Variants in SYN2 observed in about 807,000 individuals in gnomAD.
SYN2 encodes synapsin-2.
SYN2 carries 19 observed loss-of-function variants against 50.9 expected under a neutral mutation model. That is an observed-to-expected ratio of 0.37 (90% confidence interval 0.26 to 0.55). The LOEUF is 0.55. Among genes scored for constraint, SYN2 ranks in the 20% least tolerant of loss-of-function variants. The pLI is 0.81. For synonymous variants in SYN2, 255 were observed against 224.9 expected (o/e 1.13, Z -1.20); for missense variants, 587 against 576.4 (o/e 1.02, Z -0.19).
intron 1 of SYN2, among the ~76,000 whole-genome samples, chr3:12,062,891 A>G (rs1173416449): frequency 6.6e-6 from 1 of 152,054 alleles, no homozygotes; most frequent in African/African-American, 2.4e-5. Flanking sequence ...GTAGAATATT[A>G]TTCAGTGATA....
chr3:12,176,061 C>T (rs561622333), intron 10 of SYN2, among the ~76,000 whole-genome samples: 1 of 152,302 alleles, frequency 6.6e-6, no homozygotes, highest in South Asian at 2.1e-4. Context: ...TCACTCATGG[C>T]CAAAGCCTCC....
Position 12,191,262 on chromosome 3 carries a change from T to C in SYN2, c.*637T>C, listed in dbSNP as rs541385324. ...TCTCCCCTCTGAAGAGTGGTTCTTATGTGCAATCTGCAGTAACCTTGAACT... is the reference window on the plus strand; with the variant it reads ...TCTCCCCTCTGAAGAGTGGTTCTTACGTGCAATCTGCAGTAACCTTGAACT... On this transcript the variant is annotated 3_prime_UTR_variant, in exon 13 of 13. Coordinates refer to ENST00000621198, the MANE Select transcript of SYN2 (RefSeq NM_133625.6). The C allele has an allele frequency of 1.9e-5, 16 of 857,196 alleles. No homozygotes were observed. In the South Asian group the frequency reaches 6.4e-4, roughly 34 times the overall value. The allele number at this position is 857,196 out of a possible 1,614,324, so 53.1% of individuals were successfully genotyped here. A position where few individuals can be genotyped will look rare whatever the true frequency, so the allele number is the denominator to read the frequency against.
At chr3:12,130,269 A>G (rs1696766522) in intron 1 of SYN2, among the ~76,000 whole-genome samples, 2 of 151,890 alleles carry the variant, frequency 1.3e-5, no homozygotes, top group African/African-American at 4.8e-5. Flanking sequence ...TGTGTGTTAT[A>G]AAGAATTGGC....
intron 1 of SYN2, among the ~76,000 whole-genome samples, chr3:12,107,714 G>C (rs1696225398): frequency 6.6e-6 from 1 of 152,048 alleles, no homozygotes; most frequent in South Asian, 2.1e-4. Context: ...GACTAGCCTG[G>C]GCAACATAGT....
At chr3:12,016,489 C>A (rs1694032077) in intron 1 of SYN2, among the ~76,000 whole-genome samples, 1 of 152,224 alleles carries the variant, frequency 6.6e-6, no homozygotes, top group Non-Finnish European at 1.5e-5. Flanking sequence ...GGGTTCAAGT[C>A]TGTACTCTGC....
intron 1 of SYN2, among the ~76,000 whole-genome samples, chr3:12,077,604 G>A (rs2125172089): frequency 6.6e-6 from 1 of 152,168 alleles, no homozygotes; most frequent in Middle Eastern, 3.4e-3. Flanking sequence ...GCTTGCTGAG[G>A]ATAATGGCTT....
chr3:12,184,105 T>G, intron 11 of SYN2: 3 of 985,932 alleles, frequency 3.0e-6, no homozygotes, highest in Non-Finnish European at 3.6e-6. Flanking sequence ...AGCTCTTGTG[T>G]TTTTAGTGAT....
intron 1 of SYN2, among the ~76,000 whole-genome samples, chr3:12,006,284 A>T (rs1268286121): frequency 6.6e-6 from 1 of 152,164 alleles, no homozygotes; most frequent in Non-Finnish European, 1.5e-5. Flanking sequence ...CCTTTTCAAG[A>T]GAGTAGAGTA....
At chr3:12,022,709 ATTC>A (rs2125136542) in intron 1 of SYN2, among the ~76,000 whole-genome samples, 1 of 151,688 alleles carries the variant, frequency 6.6e-6, no homozygotes, top group African/African-American at 2.4e-5. Context: ...TGCCTGGCCT[ATTC>A]TTTAAATTTT....
intron 5 of SYN2, among the ~76,000 whole-genome samples, chr3:12,156,637 A>C (rs1697465007): frequency 6.6e-6 from 1 of 152,182 alleles, no homozygotes; most frequent in African/African-American, 2.4e-5. Context: ...TTACATTTAA[A>C]GGGAGGTTAC....
At chr3:12,110,870 GTAAC>G (rs1270592475) in intron 1 of SYN2, among the ~76,000 whole-genome samples, 9 of 152,224 alleles carry the variant, frequency 5.9e-5, no homozygotes, top group Admixed American at 6.5e-5. Context: ...TATCTGGGAA[GTAAC>G]TAACTTGCTT....
intron 1 of SYN2, among the ~76,000 whole-genome samples, chr3:12,028,267 G>A: frequency 6.6e-6 from 1 of 151,898 alleles, no homozygotes; most frequent in Non-Finnish European, 1.5e-5. Context: ...TCTTAATCCA[G>A]TCTATCATCG....
intron 1 of SYN2, among the ~76,000 whole-genome samples, chr3:12,137,939 T>A (rs774584195): frequency 2.6e-5 from 4 of 152,178 alleles, no homozygotes; most frequent in Non-Finnish European, 4.4e-5. Flanking sequence ...GATATACTAT[T>A]TTTAAAAAAT....
chr3:12,013,331 T>C (rs1693955526), intron 1 of SYN2, among the ~76,000 whole-genome samples: 1 of 152,218 alleles, frequency 6.6e-6, no homozygotes, highest in Non-Finnish European at 1.5e-5. Context: ...TCTTTCCCTT[T>C]GTCTACCTCA....
chr3:12,079,881 C>T (rs1459138558), intron 1 of SYN2, among the ~76,000 whole-genome samples: 1 of 152,008 alleles, frequency 6.6e-6, no homozygotes, highest in Admixed American at 6.6e-5. Context: ...GAAAGGGTAT[C>T]AGCTCTTTTT....
chr3:12,171,982 G>A (rs946572039), intron 10 of SYN2, among the ~76,000 whole-genome samples: 9 of 152,204 alleles, frequency 5.9e-5, no homozygotes, highest in African/African-American at 1.9e-4. Flanking sequence ...GCAGAAAACA[G>A]CAAGGAATAA....
chr3:12,173,740 C>G (rs1480361235), intron 10 of SYN2, among the ~76,000 whole-genome samples: 1 of 152,024 alleles, frequency 6.6e-6, no homozygotes, highest in East Asian at 1.9e-4. Context: ...ATGGTGAAAC[C>G]CCGTCTCTAC....
chr3:12,100,657 G>T (rs1340835643), intron 1 of SYN2, among the ~76,000 whole-genome samples: 1 of 151,924 alleles, frequency 6.6e-6, no homozygotes, highest in South Asian at 2.1e-4. Flanking sequence ...TTCTTCATGG[G>T]ATACTATCAG....
intron 1 of SYN2, among the ~76,000 whole-genome samples, chr3:12,115,559 T>C (rs1415421253): frequency 6.6e-6 from 1 of 152,184 alleles, no homozygotes; most frequent in Non-Finnish European, 1.5e-5. Context: ...CTTTAAACTT[T>C]TATTCATTCC....
Sources: allele counts gnomAD v4.1 joint callset (sites outside exome capture counted in the v4.1 genomes callset), GRCh38; gene constraint gnomAD v4.1.1; transcripts MANE v1.5; gene names NCBI Gene and HGNC (gene_info 2026-07-23, HGNC 2026-07-21).